Variants in USP53 observed in about 807,000 individuals in gnomAD.
USP53 encodes ubiquitin carboxyl-terminal hydrolase 53.
In USP53, 71 loss-of-function variants were observed where a neutral mutation model predicts 94.9. The ratio of observed to expected loss-of-function variants is 0.75; its 90% CI spans 0.62 to 0.91. The LOEUF (loss-of-function observed/expected upper bound fraction) is 0.91. USP53 is among the 40% of genes least tolerant of loss of function. The probability of loss-of-function intolerance (pLI) is 0.00; values close to 1 mark genes in which losing one functional copy is unlikely to be tolerated. For missense variants in USP53, 1,173 were observed against 1,281.0 expected (o/e 0.92, Z 1.29); for synonymous variants, 375 against 422.7 (o/e 0.89, Z 1.39).
chr4:119,228,099 A>C (rs2149288941), intron 3 of USP53, among the ~76,000 whole-genome samples: 1 of 152,354 alleles, frequency 6.6e-6, no homozygotes, highest in African/African-American at 2.4e-5. Flanking sequence ...TCACAGTGTT[A>C]GTAGGTCAGA....
At chr4:119,245,251 A>C (rs1748070490) in intron 5 of USP53, 86 bp from the exon 6 acceptor site, 2 of 1,303,668 alleles carry the variant, frequency 1.5e-6, no homozygotes, top group Non-Finnish European at 2.2e-6. Context: ...CGCCTTTTGC[A>C]ATTTGTAAAA....
Position 119,291,151 on chromosome 4 carries a change from C to A in USP53, c.2252-14C>A, listed in dbSNP as rs760114818. 5.1e-6 allele frequency: 5 copies of A among 978,402 alleles called. No individual in the cohort carries two copies. The highest frequency in any genetic ancestry group is 3.6e-5 in the South Asian group (2 of 55,526). The allele number at this position is 978,402 out of a possible 1,614,324, so 60.6% of individuals were successfully genotyped here. A position where few individuals can be genotyped will look rare whatever the true frequency, so the allele number is the denominator to read the frequency against. The stretch of plus-strand genomic sequence containing the variant: ...GTTTTCCTCATCTCTTCTCCCCACC[C>A]CACCCAACCCTAGGCTTTAGAAAAG... On this transcript the variant is annotated splice_polypyrimidine_tract_variant and intron_variant, in intron 17 of 18. Coordinates refer to ENST00000692078, the MANE Select transcript of USP53 (RefSeq NM_001371395.1).
chr4:119,254,065 T>C (rs1429277357), intron 7 of USP53, among the ~76,000 whole-genome samples: 1 of 152,212 alleles, frequency 6.6e-6, no homozygotes, highest in Middle Eastern at 3.2e-3. Context: ...TTCTGGCTTG[T>C]AGAGTTTCTG....
At chr4:119,252,725 C>T (rs1749194917) in intron 7 of USP53, among the ~76,000 whole-genome samples, 2 of 152,110 alleles carry the variant, frequency 1.3e-5, no homozygotes, top group African/African-American at 4.8e-5. Flanking sequence ...TTTTGTGTCT[C>T]TATCTCCTTC....
rs142856397 is a variant in USP53, at chr4:119,226,777, C to T, written c.-664-8513C>T. 6.7e-3 allele frequency among the ~76,000 whole-genome samples: 1,023 copies of T among 152,078 alleles called. 3 individuals carry two copies. The highest frequency in any genetic ancestry group is 0.011 in the Non-Finnish European group (781 of 67,984). Reference sequence around the variant, plus strand: ...GCAAAAAGCACAATTACTTTTGGACCAACCTAGTAGAATAGAGAGACCAGA... The same window carrying T: ...GCAAAAAGCACAATTACTTTTGGACTAACCTAGTAGAATAGAGAGACCAGA... On this transcript the variant is annotated intron_variant, in intron 3 of 18. Coordinates refer to ENST00000692078, the MANE Select transcript of USP53 (RefSeq NM_001371395.1).
intron 12 of USP53, among the ~76,000 whole-genome samples, chr4:119,263,524 G>A (rs968479963): frequency 2.6e-5 from 4 of 152,186 alleles, no homozygotes; most frequent in African/African-American, 9.7e-5. Flanking sequence ...ATTGTGATTT[G>A]TGCATGTGAG....
At position 119,239,518 on chromosome 4, in the gene USP53, G is replaced by T. The variant is rs559109762; in HGVS notation, c.-242G>T. 2 of 449,516 alleles carry T rather than the reference G, an allele frequency of 4.4e-6. No homozygotes were observed. Among genetic ancestry groups the T allele is most frequent in the African/African-American group, 2.0e-5 (1 of 50,312 alleles). 27.8% of individuals were successfully genotyped at this position (449,516 alleles called of 1,614,324 possible). A position where few individuals can be genotyped will look rare whatever the true frequency, so the allele number is the denominator to read the frequency against. On this transcript the variant is annotated 5_prime_UTR_variant, in exon 5 of 19. Transcript: ENST00000692078. ...TTTAACACATATAAACATCTTTAAC[G>T]CCTTGTTTAAAATAGCTTTCTTTTT...
chr4:119,249,066 CTTTTGG>C (rs1748620861), intron 7 of USP53, among the ~76,000 whole-genome samples, 184 bp downstream of exon 7: 1 of 152,138 alleles, frequency 6.6e-6, no homozygotes, highest in African/African-American at 2.4e-5. Context: ...TTGTGTTGTA[CTTTTGG>C]TTTTGATTAT....
At chr4:119,259,955 C>A in intron 10 of USP53, 30 bp downstream of exon 10, 1 of 1,503,338 alleles carries the variant, frequency 6.7e-7, no homozygotes. Context: ...TATTAGTATG[C>A]TTCTTGTTTT....
chr4:119,271,940 A>G lies in USP53; in HGVS notation c.2080A>G (p.Ile694Val), dbSNP rs747786111. The change falls in exon 16 of 19, where the codon ATC becomes GTC. Residue 694 changes from isoleucine to valine, a missense_variant. By Grantham distance (29) the Ile-to-Val change is conservative. Transcript: ENST00000692078. ...TESGYESSDH[I>V]SNGSTNLDSP... Reference sequence around the variant, plus strand: ...GTCTGGATATGAAAGCAGTGATCACATCAGTAATGGTTCTACTAATTTGGA... The same window carrying G: ...GTCTGGATATGAAAGCAGTGATCACGTCAGTAATGGTTCTACTAATTTGGA... 1.9e-6 allele frequency: 3 copies of G among 1,614,172 alleles called. No homozygotes were observed. The highest frequency in any genetic ancestry group is 2.5e-6 in the Non-Finnish European group (3 of 1,180,018).
Position 119,243,173 on chromosome 4 carries a change from A to T in USP53, c.145-2164A>T, listed in dbSNP as rs558703493. Among the ~76,000 whole-genome samples the T allele has an allele frequency of 2.4e-4, 37 of 152,304 alleles. No homozygotes were observed. The East Asian group carries it at 6.7e-3, about 28-fold the overall frequency. ...TAACTATCTTAAACCTTAATTTTTTAAAATAAGTGATAGAATATAATCAAC... is the reference window on the plus strand; with the variant it reads ...TAACTATCTTAAACCTTAATTTTTTTAAATAAGTGATAGAATATAATCAAC... On this transcript the variant is annotated intron_variant, in intron 5 of 18. Transcript: ENST00000692078.
intron 2 of USP53, among the ~76,000 whole-genome samples, chr4:119,214,970 A>G (rs2149248825): frequency 6.6e-6 from 1 of 152,356 alleles, no homozygotes; most frequent in Non-Finnish European, 1.5e-5. Context: ...ACTATCCTAC[A>G]AAGATGTTTG....
intron 11 of USP53, 84 bp from the exon 12 acceptor site, chr4:119,261,631 G>A (rs1750529857): frequency 9.1e-7 from 1 of 1,101,652 alleles, no homozygotes; most frequent in African/African-American, 1.6e-5. Flanking sequence ...ATTTCATTAT[G>A]TGTCAAAGAC....
At position 119,294,273 on chromosome 4, in the gene USP53, T is replaced by C. The variant is rs1013594343; in HGVS notation, c.*1062T>C. ...TCTGAATTTGAAAATCTATCTAGGT[T>C]TCCAGATTAAATTTCTACCTTTCAT... On this transcript the variant is annotated 3_prime_UTR_variant, in exon 19 of 19. Transcript: ENST00000692078. 2 of 152,066 alleles carry C rather than the reference T, an allele frequency of 1.3e-5. No homozygotes were observed. The highest frequency in any genetic ancestry group is 4.8e-5 in the African/African-American group (2 of 41,416). The allele number at this position is 152,066 out of a possible 1,614,324, so 9.4% of individuals were successfully genotyped here.
At chr4:119,233,988 A>G (rs930491411) in intron 3 of USP53, among the ~76,000 whole-genome samples, 6 of 152,194 alleles carry the variant, frequency 3.9e-5, no homozygotes, top group African/African-American at 1.4e-4. Context: ...GCTTAGAGGC[A>G]TGATCTTCTC....
chr4:119,258,099 T>C (rs1301469008), intron 9 of USP53, among the ~76,000 whole-genome samples: 1 of 152,240 alleles, frequency 6.6e-6, no homozygotes, highest in African/African-American at 2.4e-5. Flanking sequence ...TGTTAAGTTG[T>C]TGCTTTTAAT....
At chr4:119,251,248 G>A (rs923818569) in intron 7 of USP53, among the ~76,000 whole-genome samples, 5 of 151,998 alleles carry the variant, frequency 3.3e-5, no homozygotes, top group African/African-American at 1.2e-4. Context: ...CCTTTTTTGT[G>A]GCTGCATAGT....
At chr4:119,226,498 ACAT>A (rs1467266164) in intron 3 of USP53, among the ~76,000 whole-genome samples, 1 of 152,194 alleles carries the variant, frequency 6.6e-6, no homozygotes, top group Non-Finnish European at 1.5e-5. Flanking sequence ...AAAATTGAAA[ACAT>A]CATTTACTAT....
chr4:119,252,771 G>A (rs1023129571), intron 7 of USP53, among the ~76,000 whole-genome samples: 5 of 151,940 alleles, frequency 3.3e-5, no homozygotes, highest in African/African-American at 1.2e-4. Context: ...CTTGTCTTCT[G>A]CTAGTTTTTG....
Sources: gnomAD v4.1 joint callset for allele counts (sites outside exome capture counted in the v4.1 genomes callset) on GRCh38, gnomAD v4.1.1 for gene constraint, MANE v1.5 for transcripts, NCBI Gene and HGNC (gene_info 2026-07-23, HGNC 2026-07-21) for gene names.